The following EPB41L5 variants were observed in gnomAD, a reference collection of about 807,000 sequenced individuals.
EPB41L5 encodes erythrocyte membrane protein band 4.1 like 5, also known as band 4.1-like protein 5.
In EPB41L5, 55 loss-of-function variants were observed where a neutral mutation model predicts 106.6. The ratio of observed to expected loss-of-function variants is 0.52; its 90% CI spans 0.42 to 0.65. The LOEUF is 0.65. EPB41L5 is among the 30% of genes least tolerant of loss of function. The probability of loss-of-function intolerance (pLI) is 0.00; values close to 1 mark genes in which losing one functional copy is unlikely to be tolerated. For synonymous variants in EPB41L5, 297 were observed against 306.7 expected (o/e 0.97, Z 0.33); for missense variants, 871 against 882.1 (o/e 0.99, Z 0.16).
chr2:120,162,264 C>T (rs1168667399), intron 21 of EPB41L5, among the ~76,000 whole-genome samples: 1 of 152,208 alleles, frequency 6.6e-6, no homozygotes, highest in Non-Finnish European at 1.5e-5. Context: ...TGTATCCACT[C>T]GCTAAACCCT....
intron 12 of EPB41L5, among the ~76,000 whole-genome samples, chr2:120,091,235 A>G (rs1683390401): frequency 6.6e-6 from 1 of 152,252 alleles, no homozygotes; most frequent in South Asian, 2.1e-4. Context: ...TCTTTTAATT[A>G]CACACTTTGC....
At chr2:120,118,723 A>T (rs1685069201) in intron 16 of EPB41L5, among the ~76,000 whole-genome samples, 2 of 152,084 alleles carry the variant, frequency 1.3e-5, no homozygotes, top group African/African-American at 2.4e-5. Context: ...AATGTGCAAC[A>T]TTTTCTTTAT....
At chr2:120,153,825 T>TGGTTACTA (rs1276261413) in intron 20 of EPB41L5, among the ~76,000 whole-genome samples, 4 of 152,242 alleles carry the variant, frequency 2.6e-5, no homozygotes, top group Non-Finnish European at 5.9e-5. Context: ...AGCTGTCTTT[T>TGGTTACTA]GGTTACTATT....
chr2:120,159,499 A>G (rs1275903154), intron 20 of EPB41L5, among the ~76,000 whole-genome samples: 7 of 152,056 alleles, frequency 4.6e-5, no homozygotes, highest in Non-Finnish European at 8.8e-5. Flanking sequence ...TATAGATTCA[A>G]TGCTATTTCT....
At chr2:120,118,032 A>G (rs532762638) in intron 16 of EPB41L5, among the ~76,000 whole-genome samples, 8 of 152,316 alleles carry the variant, frequency 5.3e-5, no homozygotes, top group African/African-American at 1.9e-4. Context: ...ATATAAGCAG[A>G]TTGATCCGTT....
intron 3 of EPB41L5, among the ~76,000 whole-genome samples, chr2:120,058,993 G>A (rs1418252173): frequency 1.3e-5 from 2 of 152,116 alleles, no homozygotes; most frequent in Non-Finnish European, 2.9e-5. Context: ...CTACTAGAAT[G>A]GCTAAAGTAA....
At chr2:120,070,558 C>T (rs771270730) in intron 3 of EPB41L5, among the ~76,000 whole-genome samples, 7 of 152,182 alleles carry the variant, frequency 4.6e-5, no homozygotes, top group Admixed American at 4.6e-4. Flanking sequence ...AGGCCACTGT[C>T]CCTGATGAAC....
At chr2:120,043,041 GTGTGTGTT>G (rs1366514954) in intron 3 of EPB41L5, among the ~76,000 whole-genome samples, 5 of 114,758 alleles carry the variant, frequency 4.4e-5, no homozygotes, top group South Asian at 2.9e-4. Context: ...GTGTGTGTGT[GTGTGTGTT>G]TAGAGGGGAA....
chr2:120,144,440 T>C (rs1351136979), intron 19 of EPB41L5, among the ~76,000 whole-genome samples: 1 of 152,210 alleles, frequency 6.6e-6, no homozygotes, highest in Non-Finnish European at 1.5e-5. Context: ...TAAGAAATCA[T>C]TACCTTACAT....
intron 3 of EPB41L5, among the ~76,000 whole-genome samples, chr2:120,061,700 T>G (rs1158099175): frequency 6.6e-6 from 1 of 152,212 alleles, no homozygotes; most frequent in Non-Finnish European, 1.5e-5. Context: ...ATGGTAGGTA[T>G]CATGCATCAG....
chr2:120,037,978 G>A (rs1301301332), intron 2 of EPB41L5, among the ~76,000 whole-genome samples: 1 of 152,152 alleles, frequency 6.6e-6, no homozygotes, highest in Non-Finnish European at 1.5e-5. Flanking sequence ...CATTAGATAT[G>A]GCAGTGATTT....
rs1012428315 is a variant in EPB41L5, at chr2:120,178,235, G to A, written c.*3328G>A. The A allele has an allele frequency of 1.3e-5, 2 of 152,386 alleles. No individual in the cohort carries two copies. Among genetic ancestry groups the A allele is most frequent in the Admixed American group, 6.5e-5 (1 of 15,290 alleles). 9.4% of individuals were successfully genotyped at this position (152,386 alleles called of 1,614,324 possible). A position where few individuals can be genotyped will look rare whatever the true frequency, so the allele number is the denominator to read the frequency against. ...GAGCAGCAGAGTGGCTGCGTGAAAC[G>A]GGAGGCTGGCAGGTCCTCAGATAGG... On this transcript the variant is annotated 3_prime_UTR_variant, in exon 25 of 25. Transcript: ENST00000263713.
chr2:120,070,113 A>G (rs1285841703), intron 3 of EPB41L5, among the ~76,000 whole-genome samples: 1 of 152,190 alleles, frequency 6.6e-6, no homozygotes, highest in Non-Finnish European at 1.5e-5. Flanking sequence ...AAAATAGAGA[A>G]TAATCAAATA....
At chr2:120,058,940 T>C (rs1426453216) in intron 3 of EPB41L5, among the ~76,000 whole-genome samples, 1 of 152,178 alleles carries the variant, frequency 6.6e-6, no homozygotes, top group Non-Finnish European at 1.5e-5. Context: ...CTTTTGTAGA[T>C]ATAGGTAAGA....
intron 24 of EPB41L5, among the ~76,000 whole-genome samples, chr2:120,173,568 C>T (rs1687784414): frequency 6.6e-6 from 1 of 152,204 alleles, no homozygotes; most frequent in African/African-American, 2.4e-5. Context: ...GTGTTTGTCC[C>T]TCAAAGTAGG....
chr2:120,017,402 ATTTACT>A (rs1323912104), intron 1 of EPB41L5, among the ~76,000 whole-genome samples: 4 of 152,098 alleles, frequency 2.6e-5, no homozygotes, highest in African/African-American at 9.7e-5. Flanking sequence ...GTGTATTGTG[ATTTACT>A]TTTCCTTTTC....
chr2:120,057,821 A>C (rs760282664), intron 3 of EPB41L5, among the ~76,000 whole-genome samples: 22 of 152,030 alleles, frequency 1.4e-4, no homozygotes, highest in Non-Finnish European at 1.6e-4. Flanking sequence ...ATTAGTGGTT[A>C]AAAAAGTGAC....
At chr2:120,107,734 C>T (rs936277479) in intron 16 of EPB41L5, among the ~76,000 whole-genome samples, 1 of 152,144 alleles carries the variant, frequency 6.6e-6, no homozygotes, top group South Asian at 2.1e-4. Context: ...TCTGTTCATA[C>T]AATTTTTTAC....
At chr2:120,164,776 A>AAACTT (rs1290515600) in intron 21 of EPB41L5, 60 bp from the exon 22 acceptor site, 37 of 1,245,726 alleles carry the variant, frequency 3.0e-5, no homozygotes, top group Non-Finnish European at 6.9e-6. Context: ...GATATGGAAA[A>AAACTT]AACTTAACAT....
Sources: gnomAD v4.1 joint callset for allele counts (sites outside exome capture counted in the v4.1 genomes callset) on GRCh38, gnomAD v4.1.1 for gene constraint, MANE v1.5 for transcripts, NCBI Gene and HGNC (gene_info 2026-07-23, HGNC 2026-07-21) for gene names.